LIMD1: variants seen among roughly 807,000 people sequenced by gnomAD.
LIMD1 encodes the protein LIM domain containing 1.
Under a neutral mutation model 58.4 loss-of-function variants are expected in LIMD1, and 23 were observed. That is an observed-to-expected ratio of 0.39 (90% CI 0.28 to 0.56). The LOEUF is 0.56. Ranked by LOEUF, LIMD1 falls within the 20% of genes least tolerant of loss-of-function variation. The pLI is 0.57. For missense variants in LIMD1, 838 were observed against 855.5 expected (o/e 0.98, Z 0.25); for synonymous variants, 334 against 345.5 (o/e 0.97, Z 0.37).
chr3:45,596,502 G>A (rs1257381085), intron 1 of LIMD1, among the ~76,000 whole-genome samples: 2 of 152,144 alleles, frequency 1.3e-5, no homozygotes, highest in Non-Finnish European at 2.9e-5. Flanking sequence ...TTGCAGCTGG[G>A]GTTACCCATG....
At position 45,594,927 on chromosome 3, in the gene LIMD1, G is replaced by T; in HGVS notation, c.48G>T (p.Glu16Asp). The change falls in exon 1 of 8, where the codon GAG becomes GAT. Residue 16 changes from glutamate to aspartate, a missense_variant. Glu to Asp is a conservative substitution (Grantham distance 45). This residue lies in a region of LIMD1 where 659 missense variants were observed against 639.8 expected (regional missense o/e 1.03). Transcript: ENST00000273317. ...GCCTGGAGGCCAGTAAATTCATCGA[G>T]GACCTGAACATGTATGAGGCCTCTA... is the stretch of plus-strand genomic sequence containing the variant. ...DLGLEASKFI[E>D]DLNMYEASKD... 1 of 1,613,056 alleles carries T rather than the reference G, an allele frequency of 6.2e-7. No homozygotes were observed. Among genetic ancestry groups the T allele is most frequent in the African/African-American group, 1.3e-5 (1 of 74,702 alleles).
At chr3:45,672,959 G>GGGT (rs1229273120) in intron 5 of LIMD1, 139 bp downstream of exon 5, 3 of 929,090 alleles carry the variant, frequency 3.2e-6, no homozygotes, top group African/African-American at 3.3e-5. Flanking sequence ...TGGTTTTGAG[G>GGGT]GGTACAGCAG....
chr3:45,598,791 A>G (rs986595305), intron 1 of LIMD1, among the ~76,000 whole-genome samples: 1 of 152,170 alleles, frequency 6.6e-6, no homozygotes, highest in Non-Finnish European at 1.5e-5. Context: ...AGGAGACTGG[A>G]CCATGTGTTT....
chr3:45,595,001 T>C lies in LIMD1; in HGVS notation c.122T>C (p.Phe41Ser). Reference sequence around the variant, plus strand: ...AAGGGTGCAGGCAACAACCCCGAGTTTGAGGAAACTCGCAGGGTGTTCGCC... The same window carrying C: ...AAGGGTGCAGGCAACAACCCCGAGTCTGAGGAAACTCGCAGGGTGTTCGCC... The part of the protein sequence containing the change: ...VDKGAGNNPE[F>S]EETRRVFATK... The change falls in exon 1 of 8, where the codon TTT (phenylalanine) becomes TCT (serine). Residue 41 changes from phenylalanine (F) to serine (S), a missense_variant. By Grantham distance (155) the Phe-to-Ser change is radical. Coordinates refer to ENST00000273317, the MANE Select transcript of LIMD1 (RefSeq NM_014240.3). 1 of 1,613,998 alleles carries C rather than the reference T, an allele frequency of 6.2e-7. No homozygotes were observed. Among genetic ancestry groups the C allele is most frequent in the Non-Finnish European group, 8.5e-7 (1 of 1,180,010 alleles).
At position 45,677,560 on chromosome 3, in the gene LIMD1, GTTC is replaced by G. The variant is rs1697687517; in HGVS notation, c.*506_*508del. Reference sequence around the variant, plus strand: ...GGCTTCTTTTCACCTGAGAGCTTCAGTTCTTCTGCAGAATGGCTGCAAATTTAA... The same window carrying G: ...GGCTTCTTTTCACCTGAGAGCTTCAGTTCTGCAGAATGGCTGCAAATTTAA... On this transcript the variant is annotated 3_prime_UTR_variant, in exon 8 of 8. Transcript: ENST00000273317. The G allele has an allele frequency of 6.5e-6, 1 of 152,714 alleles. No homozygotes were observed. The highest frequency in any genetic ancestry group is 1.5e-5 in the Non-Finnish European group (1 of 68,386). 9.5% of individuals were successfully genotyped at this position (152,714 alleles called of 1,614,324 possible). A position where few individuals can be genotyped will look rare whatever the true frequency, so the allele number is the denominator to read the frequency against.
chr3:45,649,212 C>T (rs1701937579), intron 2 of LIMD1, among the ~76,000 whole-genome samples: 1 of 152,014 alleles, frequency 6.6e-6, no homozygotes, highest in African/African-American at 2.4e-5. Flanking sequence ...CTCGCATTTG[C>T]CATTTCTGCT....
At chr3:45,608,440 A>G (rs1392744394) in intron 1 of LIMD1, among the ~76,000 whole-genome samples, 1 of 152,222 alleles carries the variant, frequency 6.6e-6, no homozygotes, top group East Asian at 1.9e-4. Context: ...ATTTGCTTGC[A>G]GAGAAGCCCA....
intron 2 of LIMD1, among the ~76,000 whole-genome samples, chr3:45,642,966 C>T (rs1290259074): frequency 6.6e-6 from 1 of 152,226 alleles, no homozygotes; most frequent in African/African-American, 2.4e-5. Context: ...GGCCATGCCC[C>T]CCCACTGGCA....
intron 2 of LIMD1, among the ~76,000 whole-genome samples, chr3:45,648,638 C>G (rs1342489252): frequency 6.6e-6 from 1 of 152,114 alleles, no homozygotes; most frequent in Admixed American, 6.6e-5. Flanking sequence ...CTGTGTTTAA[C>G]CTTTTGAGGA....
At chr3:45,642,084 C>T (rs183402150) in intron 2 of LIMD1, among the ~76,000 whole-genome samples, 1 of 152,300 alleles carries the variant, frequency 6.6e-6, no homozygotes, top group East Asian at 1.9e-4. Flanking sequence ...TTCTCCCAGG[C>T]ACCATGGCAG....
At chr3:45,600,404 C>G (rs1253564182) in intron 1 of LIMD1, among the ~76,000 whole-genome samples, 1 of 152,180 alleles carries the variant, frequency 6.6e-6, no homozygotes, top group Non-Finnish European at 1.5e-5. Flanking sequence ...TACTGATTAA[C>G]TTGGCACGGG....
chr3:45,673,471 G>C lies in LIMD1; in HGVS notation c.1790G>C (p.Cys597Ser). The part of the protein sequence containing the change: ...RDYHKVLAPK[C>S]AACGLPILPP... ...CCCCACAGGGTGCTGGCCCCCAAGTGTGCAGCCTGTGGGCTTCCCATCCTT... is the reference window on the plus strand; with the variant it reads ...CCCCACAGGGTGCTGGCCCCCAAGTCTGCAGCCTGTGGGCTTCCCATCCTT... The change falls in exon 6 of 8, where the codon TGT becomes TCT. Residue 597 changes from cysteine (C) to serine (S), a missense_variant. Physicochemically the swap from Cys to Ser is moderately radical, Grantham distance 112 (BLOSUM62 -1). This residue lies in a region of LIMD1 where 174 missense variants were observed against 197.4 expected (regional missense o/e 0.88). Transcript: ENST00000273317. The C allele has an allele frequency of 6.2e-7, 1 of 1,614,028 alleles. No individual in the cohort carries two copies. Among genetic ancestry groups the C allele is most frequent in the Non-Finnish European group, 8.5e-7 (1 of 1,179,914 alleles).
At position 45,672,784 on chromosome 3, in the gene LIMD1, CAG is replaced by C; in HGVS notation, c.1740_1741del (p.Asn581GlnfsTer27). On this transcript the variant is annotated frameshift_variant, in exon 5 of 8. Transcript: ENST00000273317. LOFTEE classifies it high-confidence loss of function. ...GATGGGGTGCCCTTCACCGTGGACTCAGAGAACAAGATCTACTGTGTCCGAGA... is the reference window on the plus strand; with the variant it reads ...GATGGGGTGCCCTTCACCGTGGACTCAGAACAAGATCTACTGTGTCCGAGA... 6.2e-7 allele frequency: 1 copy of C among 1,614,024 alleles called. No homozygotes were observed. The highest frequency in any genetic ancestry group is 8.5e-7 in the Non-Finnish European group (1 of 1,179,984).
chr3:45,597,446 A>G (rs537162814), intron 1 of LIMD1, among the ~76,000 whole-genome samples: 1 of 152,280 alleles, frequency 6.6e-6, no homozygotes, highest in Non-Finnish European at 1.5e-5. Context: ...TCAAACTTGC[A>G]TGTTTTGTTT....
intron 2 of LIMD1, among the ~76,000 whole-genome samples, chr3:45,655,461 G>A (rs1702018915): frequency 6.6e-6 from 1 of 152,156 alleles, no homozygotes; most frequent in Non-Finnish European, 1.5e-5. Context: ...ATTCAGGGAT[G>A]GTTTAGGTCT....
rs1697787205 is a variant in LIMD1, at chr3:45,684,607, G to GACT, written c.*7549_*7550insCTA. 1 of 152,232 alleles carries GACT rather than the reference G, an allele frequency of 6.6e-6. No individual in the cohort carries two copies. The highest frequency in any genetic ancestry group is 2.4e-5 in the African/African-American group (1 of 41,452). 9.4% of individuals were successfully genotyped at this position (152,232 alleles called of 1,614,324 possible). On this transcript the variant is annotated 3_prime_UTR_variant, in exon 8 of 8. Transcript: ENST00000273317. ...CTGGCGGGAAGCAGACTGATATATA[G>GACT]AGGAGGGGGTTTGAAGAGGTGGTAT...
At chr3:45,653,552 T>C (rs1701994914) in intron 2 of LIMD1, among the ~76,000 whole-genome samples, 1 of 152,328 alleles carries the variant, frequency 6.6e-6, no homozygotes, top group Non-Finnish European at 1.5e-5. Context: ...AAATCGAGGC[T>C]GGATCTCTCC....
At chr3:45,654,867 A>G (rs554836391) in intron 2 of LIMD1, among the ~76,000 whole-genome samples, 12 of 151,174 alleles carry the variant, frequency 7.9e-5, no homozygotes, top group African/African-American at 2.7e-4. Flanking sequence ...CTACATCTAC[A>G]GGAAGTGTCT....
intron 2 of LIMD1, among the ~76,000 whole-genome samples, chr3:45,636,686 C>G (rs1701792127): frequency 6.6e-6 from 1 of 152,146 alleles, no homozygotes; most frequent in Non-Finnish European, 1.5e-5. Context: ...TCCTTTATTA[C>G]TCTGTAACCA....
Sources: gnomAD v4.1 joint callset for allele counts (sites outside exome capture counted in the v4.1 genomes callset) on GRCh38, gnomAD v4.1.1 for gene constraint, gnomAD v4.1.1 regional missense constraint, MANE v1.5 for transcripts, NCBI Gene and HGNC (gene_info 2026-07-23, HGNC 2026-07-21) for gene names.